The following SHPRH variants were observed in gnomAD, a reference collection of about 807,000 sequenced individuals.
The protein encoded by SHPRH is E3 ubiquitin-protein ligase SHPRH.
Under a neutral mutation model 202.5 loss-of-function variants are expected in SHPRH, and 106 were observed. The ratio of observed to expected loss-of-function variants is 0.52; its 90% CI spans 0.45 to 0.62. The LOEUF (loss-of-function observed/expected upper bound fraction) is 0.62. Ranked by LOEUF, SHPRH falls within the 20% of genes least tolerant of loss-of-function variation. The probability of loss-of-function intolerance (pLI) is 0.00; values close to 1 mark genes in which losing one functional copy is unlikely to be tolerated. For synonymous variants in SHPRH, 729 were observed against 686.0 expected, an observed-to-expected ratio of 1.06 and a Z score of -0.98; for missense variants, 1,710 against 2,020.0, an observed-to-expected ratio of 0.85 and a Z score of 2.94.
intron 1 of SHPRH, among the ~76,000 whole-genome samples, chr6:145,959,325 A>T (rs894103145): frequency 6.6e-6 from 1 of 152,090 alleles, no homozygotes; most frequent in Non-Finnish European, 1.5e-5. Context: ...CTTTTATACC[A>T]TATCTTTATT....
rs17075527 is a variant in SHPRH, at chr6:145,948,045, G to A, written c.1061+227C>T. 4.2e-3 allele frequency among the ~76,000 whole-genome samples: 638 copies of A among 151,990 alleles called. 18 individuals are homozygous for A. The East Asian group carries it at 0.072, about 17-fold the overall frequency. On this transcript the variant is annotated intron_variant, in intron 5 of 29. Coordinates refer to ENST00000275233, the MANE Select transcript of SHPRH (RefSeq NM_001042683.3). ...TTACTTTAAATAATAATCTCTTTTAGTCTTGATAACTAAGCACCTTATGTC... is the reference window on the plus strand; with the variant it reads ...TTACTTTAAATAATAATCTCTTTTAATCTTGATAACTAAGCACCTTATGTC...
At position 145,933,290 on chromosome 6, in the gene SHPRH, G is replaced by A. The variant is rs1333859001; in HGVS notation, c.2991-112C>T. The A allele has an allele frequency of 6.1e-6, 9 of 1,465,200 alleles. No individual in the cohort carries two copies. In the East Asian group the frequency reaches 1.9e-4, roughly 31 times the overall value. The allele number at this position is 1,465,200 out of a possible 1,614,324, so 90.8% of individuals were successfully genotyped here. A position where few individuals can be genotyped will look rare whatever the true frequency, so the allele number is the denominator to read the frequency against. ...GTGTATGAGACTCGCAGTTTTTGTG[G>A]TATCTCTAGCATTTTTTTTCGCCTC... On this transcript the variant is annotated intron_variant, in intron 13 of 29. Transcript: ENST00000275233.
intron 24 of SHPRH, among the ~76,000 whole-genome samples, chr6:145,912,891 G>C (rs1192507507): frequency 6.6e-6 from 1 of 152,004 alleles, no homozygotes; most frequent in East Asian, 1.9e-4. Context: ...GCAGAAACTT[G>C]TATTTTCATA....
At chr6:145,868,099 C>G (rs941149556) in intron 2 of SHPRH, among the ~76,000 whole-genome samples, 2 of 152,134 alleles carry the variant, frequency 1.3e-5, no homozygotes, top group Non-Finnish European at 2.9e-5. Context: ...TCTGAGGCCT[C>G]TTTCCTTAGC....
intron 6 of SHPRH, among the ~76,000 whole-genome samples, chr6:145,946,743 ATTTT>A (rs68146934): frequency 1.3e-5 from 2 of 150,544 alleles, no homozygotes; most frequent in Non-Finnish European, 1.5e-5. Flanking sequence ...CAAAAAAAAC[ATTTT>A]TTTTTTAAAT....
chr6:145,889,533 G>A (rs1392718134), intron 28 of SHPRH, among the ~76,000 whole-genome samples: 1 of 152,148 alleles, frequency 6.6e-6, no homozygotes, highest in Non-Finnish European at 1.5e-5. Flanking sequence ...TTCACGTGAT[G>A]AGTCACAGTC....
intron 1 of SHPRH, among the ~76,000 whole-genome samples, chr6:145,963,206 T>A (rs879786840): frequency 6.6e-6 from 1 of 152,226 alleles, no homozygotes; most frequent in Admixed American, 6.5e-5. Flanking sequence ...TGTTTACTAA[T>A]CATAAACTAA....
At chr6:145,906,541 A>G (rs945160777) in intron 25 of SHPRH, 4 of 152,136 alleles carry the variant, frequency 2.6e-5, no homozygotes, top group Non-Finnish European at 5.9e-5. Flanking sequence ...TCTTTTCAAG[A>G]AACTTGTATT....
chr6:145,927,096 GTT>G, intron 15 of SHPRH, 91 bp downstream of exon 15: 1 of 1,154,092 alleles, frequency 8.7e-7, no homozygotes, highest in Middle Eastern at 2.1e-4. Flanking sequence ...GATTATGACT[GTT>G]TGTTACCATT....
intron 4 of SHPRH, among the ~76,000 whole-genome samples, chr6:145,949,568 G>A (rs1025661223): frequency 4.6e-5 from 7 of 151,940 alleles, no homozygotes; most frequent in African/African-American, 7.3e-5. Flanking sequence ...ATAGTATAAC[G>A]GATACTGGAA....
At chr6:145,866,696 A>G (rs1446713208) in intron 2 of SHPRH, among the ~76,000 whole-genome samples, 2 of 152,238 alleles carry the variant, frequency 1.3e-5, no homozygotes, top group Non-Finnish European at 2.9e-5. Flanking sequence ...ACAGGGACGT[A>G]GATACTTGAC....
chr6:145,955,055 C>T lies in SHPRH; in HGVS notation c.268G>A (p.Gly90Ser). Residue 90 changes from glycine to serine, a missense_variant, in exon 2 of 30, where the codon GGT becomes AGT. Coordinates refer to ENST00000275233, the MANE Select transcript of SHPRH (RefSeq NM_001042683.3). ...SKPIEKEETVGIFSPLSVKLN... is the reference protein window; with the variant it reads ...SKPIEKEETVSIFSPLSVKLN... ...TTTACAGACAAAGGGGAAAAAATAC[C>T]AACAGTCTCTTCTTTTTCAATTGGT... The T allele has an allele frequency of 6.2e-7, 1 of 1,613,014 alleles. No homozygotes were observed. Among genetic ancestry groups the T allele is most frequent in the South Asian group, 1.1e-5 (1 of 91,066 alleles).
At chr6:145,925,616 A>G (rs1784809360) in intron 16 of SHPRH, among the ~76,000 whole-genome samples, 2 of 151,958 alleles carry the variant, frequency 1.3e-5, no homozygotes, top group Non-Finnish European at 2.9e-5. Context: ...CATTTCAAAC[A>G]TACCTACTCT....
In SHPRH at chr6:145,924,846, C is replaced by T. The variant is rs772109680; in HGVS notation, c.3295G>A (p.Ala1099Thr). Residue 1099 changes from alanine (A) to threonine (T), a missense_variant and splice_region_variant, in exon 17 of 30, where the codon GCC (alanine) becomes ACC (threonine). This residue lies in a region of SHPRH where 288 missense variants were observed against 317.8 expected (regional missense o/e 0.91). Coordinates refer to ENST00000275233, the MANE Select transcript of SHPRH (RefSeq NM_001042683.3). ...ATGTAGTGCTCTCGCAGCTGTTTGG[C>T]CTGTGTTGAAACAGAGAATATAAAC... ...TLRDGRLEEE[A>T]KQLREHYMSK... The T allele has an allele frequency of 1.2e-6, 2 of 1,610,390 alleles. No individual in the cohort carries two copies. The highest frequency in any genetic ancestry group is 1.7e-6 in the Non-Finnish European group (2 of 1,177,644).
intron 13 of SHPRH, 168 bp from the exon 14 acceptor site, chr6:145,933,346 T>C: frequency 5.4e-6 from 5 of 923,932 alleles, no homozygotes; most frequent in Non-Finnish European, 3.2e-6. Flanking sequence ...CCCACATAAG[T>C]ACCTTTATTT....
chr6:145,905,655 C>T (rs909946272), intron 25 of SHPRH: 2 of 152,090 alleles, frequency 1.3e-5, no homozygotes, highest in African/African-American at 4.8e-5. Flanking sequence ...CAGCATGCTG[C>T]AAATTCAAGT....
chr6:145,883,556 T>C (rs1258799494), downstream of SHPRH: 2 of 152,252 alleles, frequency 1.3e-5, no homozygotes, highest in Admixed American at 6.5e-5. Flanking sequence ...TGCAAGTGGT[T>C]CATATTCGAC....
At chr6:145,963,443 C>G (rs763774440) in intron 1 of SHPRH, among the ~76,000 whole-genome samples, 3 of 152,190 alleles carry the variant, frequency 2.0e-5, no homozygotes, top group Non-Finnish European at 2.9e-5. Context: ...AAAAAGGGCA[C>G]AAGCTTCCTG....
At chr6:145,940,849 G>C in intron 10 of SHPRH, 48 bp from the exon 11 acceptor site, 2 of 1,593,646 alleles carry the variant, frequency 1.3e-6, no homozygotes, top group Non-Finnish European at 1.7e-6. Flanking sequence ...GAAAACCACA[G>C]AAAGAACACA....
Sources: allele counts gnomAD v4.1 joint callset (sites outside exome capture counted in the v4.1 genomes callset), GRCh38; gene constraint gnomAD v4.1.1; regional missense constraint gnomAD v4.1.1; transcripts MANE v1.5; gene names NCBI Gene and HGNC (gene_info 2026-07-23, HGNC 2026-07-21).